The following ITGA8 variants were observed in gnomAD, a reference collection of about 807,000 sequenced individuals.
ITGA8 encodes integrin subunit alpha 8.
A neutral mutation model predicts 142.3 loss-of-function variants in ITGA8; 91 were observed. The observed-to-expected ratio is 0.64, with a 90% confidence interval of 0.54 to 0.76. The LOEUF (loss-of-function observed/expected upper bound fraction) is 0.76, where lower values mean the gene tolerates loss of function less well. Ranked by LOEUF, ITGA8 falls within the 30% of genes least tolerant of loss-of-function variation. ITGA8 has a pLI of 0.00. For synonymous variants in ITGA8, 505 were observed against 485.2 expected (o/e 1.04, Z -0.54); for missense variants, 1,406 against 1,327.7 (o/e 1.06, Z -0.92).
Position 15,671,587 on chromosome 10 carries a change from C to T in ITGA8, c.847+16G>A. The T allele has an allele frequency of 6.2e-7, 1 of 1,605,966 alleles. No homozygotes were observed. The highest frequency in any genetic ancestry group is 8.5e-7 in the Non-Finnish European group (1 of 1,172,798). ...CCATGCTTTATAAGTGATTTAAACTCAACAGTGCCTCTCACCTTGCTGAGA... is the reference window on the plus strand; with the variant it reads ...CCATGCTTTATAAGTGATTTAAACTTAACAGTGCCTCTCACCTTGCTGAGA... On this transcript the variant is annotated intron_variant, in intron 8 of 29. Coordinates refer to ENST00000378076, the MANE Select transcript of ITGA8 (RefSeq NM_003638.3).
chr10:15,660,872 T>C lies in ITGA8; in HGVS notation c.891+7A>G. ...CCCTATTCCTGTAATGCATTCTCAG[T>C]ACTCACATATCCAAAATTCTGTGCT... On this transcript the variant is annotated splice_region_variant and intron_variant, in intron 9 of 29. Transcript: ENST00000378076. 1.2e-6 allele frequency: 2 copies of C among 1,611,452 alleles called. No individual in the cohort carries two copies. Among genetic ancestry groups the C allele is most frequent in the South Asian group, 1.1e-5 (1 of 91,024 alleles).
At chr10:15,647,713 C>T (rs911327474) in intron 11 of ITGA8, among the ~76,000 whole-genome samples, 31 of 152,008 alleles carry the variant, frequency 2.0e-4, no homozygotes, top group African/African-American at 5.8e-4. Context: ...CCACCCGCCT[C>T]GGCCTCCCAA....
chr10:15,651,160 AAGT>A (rs1834078333), intron 11 of ITGA8, among the ~76,000 whole-genome samples: 1 of 152,172 alleles, frequency 6.6e-6, no homozygotes, highest in Non-Finnish European at 1.5e-5. Context: ...TGAATTTCTG[AAGT>A]AGTATAACTA....
At chr10:15,719,484 A>T (rs1835517349) in intron 1 of ITGA8, 79 bp downstream of exon 1, 5 of 1,311,602 alleles carry the variant, frequency 3.8e-6, no homozygotes, top group African/African-American at 3.1e-5. Flanking sequence ...CTGCGGGGGG[A>T]CTCCGCGGCA....
intron 26 of ITGA8, among the ~76,000 whole-genome samples, chr10:15,556,016 C>CTTTTTT (rs1391282940): frequency 1.1e-5 from 1 of 94,506 alleles, no homozygotes; most frequent in African/African-American, 4.0e-5. Context: ...GTCTCTCTCT[C>CTTTTTT]TCTTTTTTTT....
intron 22 of ITGA8, among the ~76,000 whole-genome samples, chr10:15,591,405 A>ATATATTATAT (rs3041564): frequency 0.027 from 3,827 of 143,702 alleles, 63 homozygotes; most frequent in African/African-American, 0.042. Flanking sequence ...CTGTATTAAT[A>ATATATTATAT]TATATTATAT....
intron 28 of ITGA8, among the ~76,000 whole-genome samples, chr10:15,520,848 C>T (rs1336433151): frequency 6.6e-6 from 1 of 152,206 alleles, no homozygotes; most frequent in African/African-American, 2.4e-5. Context: ...CACTCAAGAA[C>T]TCCAGGACAC....
chr10:15,574,162 A>G (rs886590006), intron 24 of ITGA8, among the ~76,000 whole-genome samples: 3 of 152,100 alleles, frequency 2.0e-5, no homozygotes, highest in African/African-American at 7.2e-5. Flanking sequence ...TAAATGTTTC[A>G]GGTGATGGGT....
chr10:15,679,104 C>T (rs1435188243), intron 4 of ITGA8, among the ~76,000 whole-genome samples: 1 of 152,078 alleles, frequency 6.6e-6, no homozygotes, highest in East Asian at 1.9e-4. Flanking sequence ...CCAAATTTCC[C>T]ATGAGGCAAT....
intron 7 of ITGA8, among the ~76,000 whole-genome samples, chr10:15,671,994 T>C (rs188721131): frequency 2.6e-4 from 40 of 152,230 alleles, no homozygotes; most frequent in African/African-American, 8.9e-4. Context: ...GAGCTGCTGA[T>C]TGAAAATAAT....
chr10:15,599,758 T>C (rs1833068984), intron 20 of ITGA8, among the ~76,000 whole-genome samples: 1 of 152,120 alleles, frequency 6.6e-6, no homozygotes, highest in African/African-American at 2.4e-5. Context: ...CCATCCCTAC[T>C]GAAAATACAA....
intron 28 of ITGA8, among the ~76,000 whole-genome samples, chr10:15,524,522 G>A (rs1336441522): frequency 6.6e-6 from 1 of 152,218 alleles, no homozygotes; most frequent in Non-Finnish European, 1.5e-5. Flanking sequence ...GTCTCGGCAA[G>A]AGAGGTCTTT....
intron 8 of ITGA8, among the ~76,000 whole-genome samples, chr10:15,668,637 T>G (rs1467304210): frequency 6.6e-6 from 1 of 152,214 alleles, no homozygotes; most frequent in African/African-American, 2.4e-5. Flanking sequence ...CAATTTGGCA[T>G]GTTTTTGCAG....
chr10:15,687,912 A>T, intron 3 of ITGA8, 26 bp downstream of exon 3: 1 of 1,348,836 alleles, frequency 7.4e-7, no homozygotes, highest in Non-Finnish European at 1.1e-6. Flanking sequence ...CCAAAGCAGC[A>T]GCACAAGCCC....
At chr10:15,568,558 C>T (rs1834118043) in intron 25 of ITGA8, among the ~76,000 whole-genome samples, 1 of 152,182 alleles carries the variant, frequency 6.6e-6, no homozygotes, top group Non-Finnish European at 1.5e-5. Flanking sequence ...TGTGAGAAGA[C>T]TTTCAGAGTT....
At chr10:15,694,670 T>TGTCGACATATATATATATATATA (rs1234983507) in intron 2 of ITGA8, among the ~76,000 whole-genome samples, 99 of 116,942 alleles carry the variant, frequency 8.5e-4, no homozygotes, top group Non-Finnish European at 1.5e-3. Flanking sequence ...TATATCTATA[T>TGTCGACATATATATATATATATA]TTGTCGACAT....
At position 15,530,533 on chromosome 10, in the gene ITGA8, G is replaced by A. The variant is rs993879934; in HGVS notation, c.2982+517C>T. Among the ~76,000 whole-genome samples, 3 of 86,808 alleles carry A rather than the reference G, an allele frequency of 3.5e-5. No homozygotes were observed. In the East Asian group the frequency reaches 9.3e-4, roughly 27 times the overall value. 56.9% of individuals were successfully genotyped at this position (86,808 alleles called of 152,430 possible). A position where few individuals can be genotyped will look rare whatever the true frequency, so the allele number is the denominator to read the frequency against. ...TGCACTCCAACCTGGGCGACAGAGC[G>A]AGACTCTCAAAAAAAAAAAAAAAAA... On this transcript the variant is annotated intron_variant, in intron 28 of 29. Transcript: ENST00000378076.
chr10:15,602,884 ATTAT>A (rs961601598), intron 20 of ITGA8, among the ~76,000 whole-genome samples: 5 of 151,930 alleles, frequency 3.3e-5, no homozygotes, highest in African/African-American at 1.2e-4. Flanking sequence ...AAGAAATGGA[ATTAT>A]TTTTCCCCTC....
intron 13 of ITGA8, among the ~76,000 whole-genome samples, chr10:15,637,050 C>T (rs1321455427): frequency 6.6e-6 from 1 of 152,190 alleles, no homozygotes; most frequent in Non-Finnish European, 1.5e-5. Context: ...GAGTCTGAGG[C>T]AGGAGAATCC....
Sources: gnomAD v4.1 joint callset for allele counts (sites outside exome capture counted in the v4.1 genomes callset) on GRCh38, gnomAD v4.1.1 for gene constraint, MANE v1.5 for transcripts, NCBI Gene and HGNC (gene_info 2026-07-23, HGNC 2026-07-21) for gene names.